The following DLGAP2 variants were observed in gnomAD, a reference collection of about 807,000 sequenced individuals.
DLGAP2 encodes DLG associated protein 2.
DLGAP2 carries 26 observed loss-of-function variants against 100.3 expected under a neutral mutation model. That is an observed-to-expected ratio of 0.26 (90% CI 0.19 to 0.36). The LOEUF is 0.36. Ranked by LOEUF, DLGAP2 falls within the 10% of genes least tolerant of loss-of-function variation. The pLI, the probability that DLGAP2 is intolerant of heterozygous loss-of-function variation, is 1.00. For synonymous variants in DLGAP2, 886 were observed against 630.1 expected (o/e 1.41, Z -6.08); for missense variants, 1,858 against 1,453.2 (o/e 1.28, Z -4.53).
intron 2 of DLGAP2, among the ~76,000 whole-genome samples, chr8:977,823 T>C (rs79356428): frequency 0.016 from 636 of 40,306 alleles, 4 homozygotes; most frequent in Middle Eastern, 0.03. Context: ...TCTTTGGTGT[T>C]GTGGGGAGGG....
At chr8:1,687,858 T>C (rs1469133844) in intron 12 of DLGAP2, among the ~76,000 whole-genome samples, 1 of 152,252 alleles carries the variant, frequency 6.6e-6, no homozygotes, top group Non-Finnish European at 1.5e-5. Flanking sequence ...TCCACTTCTA[T>C]ATATTTCTGC....
intron 3 of DLGAP2, among the ~76,000 whole-genome samples, chr8:1,490,885 G>T (rs1475203974): frequency 2.0e-5 from 3 of 150,734 alleles, no homozygotes; most frequent in Non-Finnish European, 3.0e-5. Flanking sequence ...GGGGTGGGGG[G>T]ACGGGGGAGG....
intron 2 of DLGAP2, among the ~76,000 whole-genome samples, chr8:961,865 G>A (rs1297103088): frequency 2.0e-5 from 3 of 152,160 alleles, no homozygotes; most frequent in Non-Finnish European, 4.4e-5. Flanking sequence ...GTCATGATGA[G>A]TACTGGACTC....
chr8:1,166,823 G>T (rs191976869), intron 2 of DLGAP2, among the ~76,000 whole-genome samples: 2 of 151,958 alleles, frequency 1.3e-5, no homozygotes, highest in Non-Finnish European at 2.9e-5. Context: ...GTATTGTTTC[G>T]TGGTTTTCTA....
At chr8:980,354 T>A (rs971706434) in intron 2 of DLGAP2, among the ~76,000 whole-genome samples, 3 of 152,082 alleles carry the variant, frequency 2.0e-5, no homozygotes, top group Admixed American at 2.0e-4. Flanking sequence ...GGCTGTAGGG[T>A]CCAGATTGCA....
intron 2 of DLGAP2, among the ~76,000 whole-genome samples, chr8:1,191,871 G>A (rs981989021): frequency 1.2e-4 from 19 of 152,244 alleles, no homozygotes; most frequent in East Asian, 5.8e-4. Context: ...AATAGGAAGC[G>A]CCTTTATTCT....
rs796566572 is a variant in DLGAP2 at position 1,701,603 on chromosome 8, TTTG to T, written c.*215_*217del. 463 of 609,076 alleles carry T rather than the reference TTTG, an allele frequency of 7.6e-4. 1 individual carries two copies. The highest frequency in any genetic ancestry group is 2.9e-3 in the South Asian group (135 of 47,066). The allele number at this position is 609,076 out of a possible 1,614,324, so 37.7% of individuals were successfully genotyped here. On this transcript the variant is annotated 3_prime_UTR_variant, in exon 15 of 15. Transcript: ENST00000637795. ...GCTCGCGGCGAGGACGACTTCTGCTTTTGTTGTTGTTGTTGTTGTTCACGGGTG... is the reference window on the plus strand; with the variant it reads ...GCTCGCGGCGAGGACGACTTCTGCTTTTGTTGTTGTTGTTGTTCACGGGTG...
At chr8:1,105,553 C>T (rs1445131324) in intron 2 of DLGAP2, among the ~76,000 whole-genome samples, 1 of 149,862 alleles carries the variant, frequency 6.7e-6, no homozygotes, top group East Asian at 1.9e-4. Flanking sequence ...AGCTTCCTGC[C>T]GGTGCACTAT....
chr8:1,244,590 A>C (rs4976867), intron 2 of DLGAP2, among the ~76,000 whole-genome samples: 30,677 of 121,308 alleles, frequency 0.25, 3,786 homozygotes, highest in African/African-American at 0.41. Context: ...CTGGACACCC[A>C]CAGGCAGACA....
chr8:1,690,804 G>A lies in DLGAP2; in HGVS notation c.2705-731G>A, dbSNP rs558320273. ...AGATTAATTCTTCCTACTGAACTGT[G>A]GCCTGCTGACTCATAGCACACTCAG... On this transcript the variant is annotated intron_variant, in intron 12 of 14. Transcript: ENST00000637795. 1.7e-4 allele frequency among the ~76,000 whole-genome samples: 26 copies of A among 151,764 alleles called. 1 individual carries two copies. The South Asian group carries it at 4.6e-3, about 27-fold the overall frequency.
At chr8:1,286,812 G>A (rs1402860048) in intron 3 of DLGAP2, among the ~76,000 whole-genome samples, 2 of 152,246 alleles carry the variant, frequency 1.3e-5, no homozygotes, top group African/African-American at 2.4e-5. Context: ...AACTCCTGTG[G>A]AAGGATTAGA....
rs774191767 is a variant in DLGAP2 at position 1,548,968 on chromosome 8, C to T, written c.515C>T (p.Thr172Met). 15 of 1,598,886 alleles carry T rather than the reference C, an allele frequency of 9.4e-6. No homozygotes were observed. The South Asian group carries it at 1.4e-4, about 15-fold the overall frequency. ...PRMHYSSHYD[T>M]RDDCAVAHAG... ...ATGCACTACAGCTCGCACTACGACA[C>T]GCGCGACGACTGCGCTGTGGCCCAC... Residue 172 changes from threonine (T) to methionine (M), a missense_variant, in exon 5 of 15, where the codon ACG becomes ATG. Physicochemically the swap from Thr to Met is moderately conservative, Grantham distance 81. Coordinates refer to ENST00000637795, the MANE Select transcript of DLGAP2 (RefSeq NM_001346810.2).
intron 8 of DLGAP2, among the ~76,000 whole-genome samples, chr8:1,636,014 C>G (rs895011145): frequency 6.6e-6 from 1 of 152,186 alleles, no homozygotes; most frequent in Non-Finnish European, 1.5e-5. Flanking sequence ...TATAAACGTT[C>G]CTTCGTCCCA....
At chr8:759,226 T>C (rs867434384) in intron 1 of DLGAP2, among the ~76,000 whole-genome samples, 378 of 63,300 alleles carry the variant, frequency 6.0e-3, no homozygotes, top group African/African-American at 0.024. Context: ...ACAGCCTTCC[T>C]GTTATCAATA....
chr8:1,082,289 A>G (rs1202095329), intron 2 of DLGAP2, among the ~76,000 whole-genome samples: 1 of 152,212 alleles, frequency 6.6e-6, no homozygotes, highest in Non-Finnish European at 1.5e-5. Context: ...AAAACAGGAA[A>G]AATCTTTTAC....
At chr8:1,036,996 A>C (rs12682526) in intron 2 of DLGAP2, among the ~76,000 whole-genome samples, 1 of 152,072 alleles carries the variant, frequency 6.6e-6, no homozygotes, top group Non-Finnish European at 1.5e-5. Context: ...GAGCCTCCTG[A>C]GCCAGTGACT....
Position 1,632,820 on chromosome 8 carries a change from A to T in DLGAP2, c.1591-7A>T, listed in dbSNP as rs1221943155. The T allele has an allele frequency of 6.3e-7, 1 of 1,599,638 alleles. No homozygotes were observed. Among genetic ancestry groups the T allele is most frequent in the Non-Finnish European group, 8.5e-7 (1 of 1,171,452 alleles). On this transcript the variant is annotated splice_region_variant and splice_polypyrimidine_tract_variant and intron_variant, in intron 7 of 14. Coordinates refer to ENST00000637795, the MANE Select transcript of DLGAP2 (RefSeq NM_001346810.2). ...CGGGGCATCACGTGTGCTGTTGATGATTGCAGGTGAGCGAGGCGGAGATCA... is the reference window on the plus strand; with the variant it reads ...CGGGGCATCACGTGTGCTGTTGATGTTTGCAGGTGAGCGAGGCGGAGATCA...
chr8:973,256 C>G, intron 2 of DLGAP2, among the ~76,000 whole-genome samples: 1 of 148,142 alleles, frequency 6.8e-6, no homozygotes, highest in East Asian at 2.1e-4. Context: ...AGGCTGTCCC[C>G]CCACCTCCCT....
chr8:853,914 A>T (rs1466802152), intron 1 of DLGAP2, among the ~76,000 whole-genome samples: 2 of 152,126 alleles, frequency 1.3e-5, no homozygotes, highest in Non-Finnish European at 2.9e-5. Context: ...CTGGGAGGTC[A>T]TGAAGTCATG....
Sources: gnomAD v4.1 joint callset for allele counts (sites outside exome capture counted in the v4.1 genomes callset) on GRCh38, gnomAD v4.1.1 for gene constraint, MANE v1.5 for transcripts, NCBI Gene and HGNC (gene_info 2026-07-23, HGNC 2026-07-21) for gene names.